The following LRRC46 variants were observed in gnomAD, a reference collection of about 807,000 sequenced individuals.
LRRC46 encodes leucine rich repeat containing 46.
A neutral mutation model predicts 28.0 loss-of-function variants in LRRC46; 20 were observed. The ratio of observed to expected loss-of-function variants is 0.71; its 90% CI spans 0.50 to 1.04. The LOEUF (loss-of-function observed/expected upper bound fraction) is 1.04, where lower values mean the gene tolerates loss of function less well. Among genes scored for constraint, LRRC46 ranks in the 50% least tolerant of loss-of-function variants. The probability of loss-of-function intolerance (pLI) is 0.00; values close to 1 mark genes in which losing one functional copy is unlikely to be tolerated. For missense variants in LRRC46, 315 were observed against 390.1 expected (o/e 0.81, Z 1.62); for synonymous variants, 156 against 158.8 (o/e 0.98, Z 0.13).
At position 47,834,503 on chromosome 17, in the gene LRRC46, C is replaced by T; in HGVS notation, c.195C>T (p.Leu65=). ...GITTIRNLEG[L]QNLHSLYLQG... is the part of the protein sequence containing the mutation. ...CTACTATCAGGAACTTAGAAGGCCT[C>T]CAGAATCTTCACAGTCTCTATCTGC... Residue 65 remains leucine (L), a synonymous_variant, in exon 3 of 8, where the codon CTC becomes CTT. Transcript: ENST00000269025. 6 of 1,612,860 alleles carry T rather than the reference C, an allele frequency of 3.7e-6. No homozygotes were observed. Among genetic ancestry groups the T allele is most frequent in the Non-Finnish European group, 5.1e-6 (6 of 1,178,944 alleles).
At chr17:47,835,187 A>G (rs2033678958) in intron 3 of LRRC46, 166 bp from the exon 4 acceptor site, 1 of 757,792 alleles carries the variant, frequency 1.3e-6, no homozygotes, top group East Asian at 2.4e-5. Context: ...AAAGAAAATC[A>G]TCTTTCTTAA....
At position 47,836,108 on chromosome 17, in the gene LRRC46, G is replaced by T; in HGVS notation, c.452+6G>T. On this transcript the variant is annotated splice_donor_region_variant and intron_variant, in intron 6 of 7. Coordinates refer to ENST00000269025, the MANE Select transcript of LRRC46 (RefSeq NM_033413.4). This position sits in a 1 kb window ranked among gnomAD's most constrained non-coding sequence, Gnocchi z 5.8. ...ACCAACCAGGATGGCTACCGGTAAG[G>T]AGTGGAGGGTGGGAAGAAAGGTCAT... The T allele has an allele frequency of 6.2e-7, 1 of 1,614,152 alleles. No homozygotes were observed. Among genetic ancestry groups the T allele is most frequent in the South Asian group, 1.1e-5 (1 of 91,084 alleles).
intron 5 of LRRC46, 53 bp downstream of exon 5, chr17:47,835,828 C>A: frequency 6.7e-7 from 1 of 1,491,574 alleles, no homozygotes; most frequent in African/African-American, 1.4e-5. Context: ...GGGGCCTGCC[C>A]TCCCCTCTGC....
Position 47,837,112 on chromosome 17 carries a change from A to C in LRRC46, c.958A>C (p.Lys320Gln), listed in dbSNP as rs1165816570. The C allele has an allele frequency of 6.2e-7, 1 of 1,604,442 alleles. No homozygotes were observed. Residue 320 changes from lysine (K) to glutamine (Q), a missense_variant, in exon 8 of 8, where the codon AAG becomes CAG. Coordinates refer to ENST00000269025, the MANE Select transcript of LRRC46 (RefSeq NM_033413.4). ...STTKTTAKRSKK is the reference protein window; with the variant it reads ...STTKTTAKRSQK The stretch of plus-strand genomic sequence containing the variant: ...AACCAAAACTACGGCCAAGAGAAGC[A>C]AGAAATGATTCTCTGTCAACCTTTC...
At chr17:47,832,044 C>G in intron 1 of LRRC46, 45 bp downstream of exon 1, 1 of 1,613,766 alleles carries the variant, frequency 6.2e-7, no homozygotes, top group Non-Finnish European at 8.5e-7. Context: ...TGGAAAACAG[C>G]GGGGTAAGGC....
Position 47,836,310 on chromosome 17 carries a change from C to T in LRRC46, c.453-23C>T, listed in dbSNP as rs765326581. 2.5e-6 allele frequency: 4 copies of T among 1,612,796 alleles called. No homozygotes were observed. The highest frequency in any genetic ancestry group is 3.4e-6 in the Non-Finnish European group (4 of 1,179,746). ...CACGCCAGGGTGCCCTCCTGGGTAACCTCTGCTCCTTCTGCTCTGCAGCGA... is the reference window on the plus strand; with the variant it reads ...CACGCCAGGGTGCCCTCCTGGGTAATCTCTGCTCCTTCTGCTCTGCAGCGA... On this transcript the variant is annotated intron_variant, in intron 6 of 7. Coordinates refer to ENST00000269025, the MANE Select transcript of LRRC46 (RefSeq NM_033413.4). The surrounding 1 kb of genome is among the most constrained non-coding windows in gnomAD (Gnocchi z 5.8).
chr17:47,835,503 A>G (rs2033683500), intron 4 of LRRC46, 104 bp downstream of exon 4: 1 of 1,455,022 alleles, frequency 6.9e-7, no homozygotes, highest in South Asian at 1.2e-5. Flanking sequence ...CTTGTCAGTC[A>G]AGGACCAGCA....
chr17:47,831,737 G>A lies in LRRC46; in HGVS notation c.-253G>A. On this transcript the variant is annotated 5_prime_UTR_variant, in exon 1 of 8. Coordinates refer to ENST00000269025, the MANE Select transcript of LRRC46 (RefSeq NM_033413.4). Reference sequence around the variant, plus strand: ...AACTGCTCCTTTCTCAACCATTCCTGCCCACAACACCCCAGCTTGCTGCCA... The same window carrying A: ...AACTGCTCCTTTCTCAACCATTCCTACCCACAACACCCCAGCTTGCTGCCA... 1.6e-6 allele frequency: 1 copy of A among 637,506 alleles called. No homozygotes were observed. The highest frequency in any genetic ancestry group is 2.7e-6 in the Non-Finnish European group (1 of 367,266). The allele number at this position is 637,506 out of a possible 1,614,324, so 39.5% of individuals were successfully genotyped here. A position where few individuals can be genotyped will look rare whatever the true frequency, so the allele number is the denominator to read the frequency against.
chr17:47,836,458 C>T lies in LRRC46; in HGVS notation c.578C>T (p.Pro193Leu). The T allele has an allele frequency of 6.2e-7, 1 of 1,614,112 alleles. No homozygotes were observed. Among genetic ancestry groups the T allele is most frequent in the Non-Finnish European group, 8.5e-7 (1 of 1,179,984 alleles). ...GAGGAGTTCCCAGAGCTGAGTGGCC[C>T]ATTCTGCTCAGAACGAGGTGACCCT... ...SDEEFPELSG[P>L]FCSERGFLKE... Residue 193 changes from proline to leucine, a missense_variant, in exon 7 of 8, where the codon CCA becomes CTA. Pro to Leu is a moderately conservative substitution (Grantham distance 98). Coordinates refer to ENST00000269025, the MANE Select transcript of LRRC46 (RefSeq NM_033413.4). This position sits in a 1 kb window ranked among gnomAD's most constrained non-coding sequence, Gnocchi z 5.8.
chr17:47,834,183 G>A (rs768402501), intron 2 of LRRC46: 380 of 1,013,458 alleles, frequency 3.7e-4, no homozygotes, highest in Non-Finnish European at 4.5e-4. Flanking sequence ...ATTTCCCAGA[G>A]GGCCCTTACT....
In LRRC46 at chr17:47,835,007, C is replaced by T; in HGVS notation, c.226-346C>T. ...TTTAACCGTCAAGTTCCTGTATGCT[C>T]ATTGTTCTCTCTGTGTATGCAAGCC... On this transcript the variant is annotated intron_variant, in intron 3 of 7. Coordinates refer to ENST00000269025, the MANE Select transcript of LRRC46 (RefSeq NM_033413.4). 3 of 294,478 alleles carry T rather than the reference C, an allele frequency of 1.0e-5. No homozygotes were observed. The South Asian group carries it at 1.4e-4, about 13-fold the overall frequency. The allele number at this position is 294,478 out of a possible 1,614,324, so 18.2% of individuals were successfully genotyped here.
In LRRC46 at chr17:47,832,216, G is replaced by C; in HGVS notation, c.116+11G>C. On this transcript the variant is annotated intron_variant, in intron 2 of 7. Transcript: ENST00000269025. ...ACTGTCAGAGAAGATGTGAGTGCAT[G>C]GGGGAGAAAAGGGGTGCTAGAAGGC... 3 of 1,560,044 alleles carry C rather than the reference G, an allele frequency of 1.9e-6. No homozygotes were observed. The South Asian group carries it at 3.6e-5, about 19-fold the overall frequency.
In LRRC46 at chr17:47,837,479, C is replaced by T. The variant is rs182195860; in HGVS notation, c.*359C>T. The T allele has an allele frequency of 1.3e-5, 5 of 397,016 alleles. No individual in the cohort carries two copies. Among genetic ancestry groups the T allele is most frequent in the African/African-American group, 8.5e-5 (4 of 46,830 alleles). The allele number at this position is 397,016 out of a possible 1,614,324, so 24.6% of individuals were successfully genotyped here. A position where few individuals can be genotyped will look rare whatever the true frequency, so the allele number is the denominator to read the frequency against. On this transcript the variant is annotated 3_prime_UTR_variant, in exon 8 of 8. Coordinates refer to ENST00000269025, the MANE Select transcript of LRRC46 (RefSeq NM_033413.4). ...GCCACCCCTAGCGAGTGCCCTTCCC[C>T]GGTCCAAGCCAAGGACCAAGGAGCT...
Position 47,836,305 on chromosome 17 carries a change from GGTAACCTCTGCTCCTT to G in LRRC46, c.453-27_453-12del. 1.2e-6 allele frequency: 2 copies of G among 1,612,510 alleles called. No homozygotes were observed. Among genetic ancestry groups the G allele is most frequent in the Non-Finnish European group, 1.7e-6 (2 of 1,179,622 alleles). Reference sequence around the variant, plus strand: ...TCCTCCACGCCAGGGTGCCCTCCTGGGTAACCTCTGCTCCTTCTGCTCTGCAGCGAGCTGGTGACAG... The same window carrying G: ...TCCTCCACGCCAGGGTGCCCTCCTGGCTGCTCTGCAGCGAGCTGGTGACAG... On this transcript the variant is annotated splice_polypyrimidine_tract_variant and intron_variant, in intron 6 of 7. Transcript: ENST00000269025. The surrounding 1 kb of genome is among the most constrained non-coding windows in gnomAD (Gnocchi z 5.8).
At position 47,831,816 on chromosome 17, in the gene LRRC46, T is replaced by G. The variant is rs185756613; in HGVS notation, c.-174T>G. ...CAGACCCTTCACATCAATTTACTGTTTTCTTCGACCTCACCCCAGCAATTT... is the reference window on the plus strand; with the variant it reads ...CAGACCCTTCACATCAATTTACTGTGTTCTTCGACCTCACCCCAGCAATTT... On this transcript the variant is annotated 5_prime_UTR_variant, in exon 1 of 8. Coordinates refer to ENST00000269025, the MANE Select transcript of LRRC46 (RefSeq NM_033413.4). 2.3e-4 allele frequency: 181 copies of G among 792,446 alleles called. No homozygotes were observed. The African/African-American group carries it at 2.9e-3, about 13-fold the overall frequency. The allele number at this position is 792,446 out of a possible 1,614,324, so 49.1% of individuals were successfully genotyped here.
rs554035924 is a variant in LRRC46 at position 47,832,884 on chromosome 17, G to A, written c.116+679G>A. On this transcript the variant is annotated intron_variant, in intron 2 of 7. Coordinates refer to ENST00000269025, the MANE Select transcript of LRRC46 (RefSeq NM_033413.4). The stretch of plus-strand genomic sequence containing the variant: ...CAAATAAATCCCAATGCCTAAGCAT[G>A]AGTTGACTTCTGCTTTTCAGCCTTA... Among the ~76,000 whole-genome samples, 18 of 152,278 alleles carry A rather than the reference G, an allele frequency of 1.2e-4. 2 individuals carry two copies. Among genetic ancestry groups the A allele is most frequent in the Admixed American group, 1.1e-3 (17 of 15,294 alleles).
intron 2 of LRRC46, among the ~76,000 whole-genome samples, chr17:47,833,361 C>T (rs1328100502): frequency 2.6e-5 from 4 of 151,498 alleles, no homozygotes; most frequent in African/African-American, 4.9e-5. Context: ...TCCTCTTCCT[C>T]CTTCTTTCCC....
At position 47,835,727 on chromosome 17, in the gene LRRC46, C is replaced by G. The variant is rs371613363; in HGVS notation, c.334C>G (p.Leu112Val). 1.9e-6 allele frequency: 3 copies of G among 1,614,084 alleles called. No individual in the cohort carries two copies. The African/African-American group carries it at 4.0e-5, about 22-fold the overall frequency. ...QVENLLDLPC[L>V]QFLDLSENLI... ...GGAAAACCTCCTCGACCTCCCATGC[C>G]TCCAGTTTCTGGACCTTTCTGAGAA... is the stretch of plus-strand genomic sequence containing the variant. The change falls in exon 5 of 8, where the codon CTC becomes GTC. Residue 112 changes from leucine (L) to valine (V), a missense_variant. Leu to Val is a conservative substitution (Grantham distance 32). Transcript: ENST00000269025.
At chr17:47,833,609 C>T (rs573748491) in intron 2 of LRRC46, among the ~76,000 whole-genome samples, 5 of 151,868 alleles carry the variant, frequency 3.3e-5, no homozygotes, top group South Asian at 2.1e-4. Flanking sequence ...CCACCACACC[C>T]GGCTAATTTT....
Sources: allele counts gnomAD v4.1 joint callset (sites outside exome capture counted in the v4.1 genomes callset), GRCh38; gene constraint gnomAD v4.1.1; non-coding constraint Gnocchi (gnomAD v3.1); transcripts MANE v1.5; gene names NCBI Gene and HGNC (gene_info 2026-07-23, HGNC 2026-07-21).